TENM4: variants seen among roughly 807,000 people sequenced by gnomAD.
TENM4 encodes the protein teneurin-4.
In TENM4, 82 loss-of-function variants were observed where a neutral mutation model predicts 243.3. The ratio of observed to expected loss-of-function variants is 0.34; its 90% confidence interval spans 0.28 to 0.40. The LOEUF (loss-of-function observed/expected upper bound fraction) is 0.40, where lower values mean the gene tolerates loss of function less well. TENM4 is among the 10% of genes least tolerant of loss of function. TENM4 has a pLI of 1.00. For synonymous variants in TENM4, 1,412 were observed against 1,456.3 expected, an observed-to-expected ratio of 0.97 and a Z score of 0.69; for missense variants, 3,138 against 3,673.3, an observed-to-expected ratio of 0.85 and a Z score of 3.77.
chr11:79,207,196 C>G (rs915155091), intron 3 of TENM4, among the ~76,000 whole-genome samples: 1 of 152,122 alleles, frequency 6.6e-6, no homozygotes, highest in African/African-American at 2.4e-5. Flanking sequence ...GTTTGCCAGG[C>G]TCAAGGTATC....
At chr11:79,071,869 A>T (rs1591260749) in intron 4 of TENM4, among the ~76,000 whole-genome samples, 1 of 152,208 alleles carries the variant, frequency 6.6e-6, no homozygotes, top group African/African-American at 2.4e-5. Context: ...CACTAACTAC[A>T]TAGACTGCAA....
chr11:79,239,137 A>G (rs1864539602), intron 2 of TENM4, among the ~76,000 whole-genome samples: 1 of 152,224 alleles, frequency 6.6e-6, no homozygotes, highest in African/African-American at 2.4e-5. Context: ...CACAGGTGAA[A>G]CATCACAGGG....
intron 1 of TENM4, among the ~76,000 whole-genome samples, chr11:79,305,205 A>T (rs1013650100): frequency 6.6e-6 from 1 of 152,236 alleles, no homozygotes; most frequent in African/African-American, 2.4e-5. Flanking sequence ...AAGTTGTGTG[A>T]CACTGAGAAA....
At chr11:79,237,750 A>G (rs473220) in intron 2 of TENM4, among the ~76,000 whole-genome samples, 42,379 of 152,118 alleles carry the variant, frequency 0.28, 5,959 homozygotes, top group Non-Finnish European at 0.29. Flanking sequence ...CGTATCACAA[A>G]AATCTGAAGA....
chr11:79,104,660 G>T (rs1861318677), intron 4 of TENM4, among the ~76,000 whole-genome samples: 1 of 152,220 alleles, frequency 6.6e-6, no homozygotes, highest in South Asian at 2.1e-4. Context: ...AAGCAATGCT[G>T]CCAATGAGCA....
At chr11:79,046,182 G>T (rs1859652150) in intron 6 of TENM4, among the ~76,000 whole-genome samples, 1 of 152,228 alleles carries the variant, frequency 6.6e-6, no homozygotes, top group African/African-American at 2.4e-5. Context: ...AAGATTGTGT[G>T]TCCTGGCCCA....
intron 19 of TENM4, among the ~76,000 whole-genome samples, chr11:78,741,520 C>G (rs951457742): frequency 6.6e-6 from 1 of 152,174 alleles, no homozygotes; most frequent in East Asian, 1.9e-4. Context: ...GCAAACGTAA[C>G]ATCAAACATG....
At chr11:79,333,247 T>TCC (rs1857090728) in intron 1 of TENM4, among the ~76,000 whole-genome samples, 1 of 151,420 alleles carries the variant, frequency 6.6e-6, no homozygotes. Flanking sequence ...TCCATCCATC[T>TCC]ATCCATCCAT....
chr11:79,098,939 AG>A (rs1214899475), intron 4 of TENM4, among the ~76,000 whole-genome samples: 4 of 152,264 alleles, frequency 2.6e-5, no homozygotes, highest in Admixed American at 6.5e-5. Flanking sequence ...AAGTAGGGAT[AG>A]AAAGGTCTCC....
intron 13 of TENM4, among the ~76,000 whole-genome samples, chr11:78,813,353 C>T (rs1857538513): frequency 6.6e-6 from 1 of 152,202 alleles, no homozygotes; most frequent in Admixed American, 6.5e-5. Context: ...ATCCCTTCTA[C>T]TCTCAGACTG....
At chr11:78,861,671 G>C (rs1858822229) in intron 10 of TENM4, among the ~76,000 whole-genome samples, 1 of 152,200 alleles carries the variant, frequency 6.6e-6, no homozygotes, top group Admixed American at 6.5e-5. Context: ...CCTCATTTCA[G>C]AGGTCATGAG....
chr11:78,854,195 G>A lies in TENM4; in HGVS notation c.1590C>T (p.Phe530=), dbSNP rs1858615274. 6.4e-7 allele frequency: 1 copy of A among 1,551,608 alleles called. No individual in the cohort carries two copies. The highest frequency in any genetic ancestry group is 2.0e-5 in the Admixed American group (1 of 50,986). Reference sequence around the variant, plus strand: ...AGATTCCTGAATCCAAATACTGGATGAAGCCTGTCTCATGGCTGGAGGGGG... The same window carrying A: ...AGATTCCTGAATCCAAATACTGGATAAAGCCTGTCTCATGGCTGGAGGGGG... The part of the protein sequence containing the change: ...TVPPSSHETG[F]IQYLDSGIWH... Residue 530 remains phenylalanine (F), a synonymous_variant, in exon 12 of 34, where the codon TTC becomes TTT. Transcript: ENST00000278550.
At position 78,683,005 on chromosome 11, in the gene TENM4, C is replaced by A. The variant is rs1351778990; in HGVS notation, c.5260+5049G>T. On this transcript the variant is annotated intron_variant, in intron 29 of 33. Transcript: ENST00000278550. ...TAGTTTTCCTTCTAACAGACAGGAC[C>A]CTCAGCTGCAGGTCTGTTGGAATAC... 4.6e-4 allele frequency among the ~76,000 whole-genome samples: 4 copies of A among 8,640 alleles called. No homozygotes were observed. In the South Asian group the frequency reaches 9.8e-3, roughly 21 times the overall value. The allele number at this position is 8,640 out of a possible 152,430, so 5.7% of individuals were successfully genotyped here.
intron 1 of TENM4, among the ~76,000 whole-genome samples, chr11:79,434,781 C>T: frequency 6.6e-6 from 1 of 152,180 alleles, no homozygotes; most frequent in Non-Finnish European, 1.5e-5. Context: ...AACTGCTTTT[C>T]ATGTGTGACA....
rs188580488 is a variant in TENM4 at position 79,099,590 on chromosome 11, C to G, written c.-65-29581G>C. ...ATGAATTTGACCTTGAATACTCCCCCACTTTCCCCTTTAATTTTTCAGTAG... is the reference window on the plus strand; with the variant it reads ...ATGAATTTGACCTTGAATACTCCCCGACTTTCCCCTTTAATTTTTCAGTAG... On this transcript the variant is annotated intron_variant, in intron 4 of 33. Transcript: ENST00000278550. Among the ~76,000 whole-genome samples the G allele has an allele frequency of 2.9e-3, 443 of 152,324 alleles. 2 individuals carry two copies. Among genetic ancestry groups the G allele is most frequent in the African/African-American group, 0.01 (416 of 41,554 alleles).
intron 12 of TENM4, among the ~76,000 whole-genome samples, chr11:78,824,891 T>C (rs1287523388): frequency 1.3e-5 from 2 of 152,200 alleles, no homozygotes; most frequent in African/African-American, 2.4e-5. Context: ...TAGTCAATTA[T>C]AGAGTCAGGA....
In TENM4 at chr11:79,186,010, A is replaced by G. The variant is rs192959184; in HGVS notation, c.-163+29798T>C. Among the ~76,000 whole-genome samples the G allele has an allele frequency of 3.5e-3, 529 of 152,268 alleles. 7 individuals are homozygous for G. The South Asian group carries it at 0.039, about 11-fold the overall frequency. ...GTCCCAATAACCTTTCCAAGCAAAT[A>G]TTTTTCATCTAGCTTTTAAAGATGA... On this transcript the variant is annotated intron_variant, in intron 3 of 33. Coordinates refer to ENST00000278550, the MANE Select transcript of TENM4 (RefSeq NM_001098816.3).
intron 2 of TENM4, among the ~76,000 whole-genome samples, chr11:79,216,930 A>G (rs1565254195): frequency 6.6e-6 from 1 of 152,186 alleles, no homozygotes; most frequent in African/African-American, 2.4e-5. Context: ...TCACCTGGGC[A>G]GAGGTCCTTA....
At chr11:79,307,998 T>G (rs1856655065) in intron 1 of TENM4, among the ~76,000 whole-genome samples, 2 of 152,240 alleles carry the variant, frequency 1.3e-5, no homozygotes, top group South Asian at 4.1e-4. Context: ...TGGGAGATGT[T>G]GGTCTGATGT....
Sources: gnomAD v4.1 joint callset for allele counts (sites outside exome capture counted in the v4.1 genomes callset) on GRCh38, gnomAD v4.1.1 for gene constraint, MANE v1.5 for transcripts, NCBI Gene and HGNC (gene_info 2026-07-23, HGNC 2026-07-21) for gene names.